KALRN: variants seen among roughly 807,000 people sequenced by gnomAD.
The protein encoded by KALRN is kalirin RhoGEF kinase.
In KALRN, 70 loss-of-function variants were observed where a neutral mutation model predicts 353.7. The ratio of observed to expected loss-of-function variants is 0.20; its 90% CI spans 0.16 to 0.24. The LOEUF (loss-of-function observed/expected upper bound fraction) is 0.24, where lower values mean the gene tolerates loss of function less well. KALRN is among the 10% of genes least tolerant of loss of function. The pLI, the probability that KALRN is intolerant of heterozygous loss-of-function variation, is 1.00. For synonymous variants in KALRN, 1,391 were observed against 1,434.8 expected (o/e 0.97, Z 0.69); for missense variants, 2,791 against 3,756.7 (o/e 0.74, Z 6.72).
intron 10 of KALRN, among the ~76,000 whole-genome samples, chr3:124,383,636 T>C (rs911172758): frequency 6.6e-6 from 1 of 152,326 alleles, no homozygotes; most frequent in Admixed American, 6.5e-5. Flanking sequence ...TATCCTACTA[T>C]AGTATGATTT....
intron 1 of KALRN, among the ~76,000 whole-genome samples, chr3:124,130,626 A>G (rs2065165863): frequency 1.3e-5 from 2 of 152,170 alleles, no homozygotes; most frequent in African/African-American, 2.4e-5. Flanking sequence ...ACACCTGGAT[A>G]TACCCAATAG....
chr3:124,632,684 A>G lies in KALRN; in HGVS notation c.5447A>G (p.Gln1816Arg). ...SPKPGDETTP[Q>R]GDSADESKKG... is the part of the protein sequence containing the mutation. ...AAGCCTGGGGATGAAACAACCCCTCAGGGAGACAGCGCTGATGAGGTACTT... is the reference window on the plus strand; with the variant it reads ...AAGCCTGGGGATGAAACAACCCCTCGGGGAGACAGCGCTGATGAGGTACTT... The change falls in exon 35 of 60, where the codon CAG (glutamine) becomes CGG (arginine). Residue 1816 changes from glutamine to arginine, a missense_variant. By Grantham distance (43) the Gln-to-Arg change is conservative (BLOSUM62 1). Transcript: ENST00000682506. 1 of 1,614,164 alleles carries G rather than the reference A, an allele frequency of 6.2e-7. No individual in the cohort carries two copies. The highest frequency in any genetic ancestry group is 8.5e-7 in the Non-Finnish European group (1 of 1,180,002).
At chr3:124,305,674 T>C (rs1016251483) in intron 6 of KALRN, among the ~76,000 whole-genome samples, 1 of 143,910 alleles carries the variant, frequency 6.9e-6, no homozygotes, top group Non-Finnish European at 1.5e-5. Flanking sequence ...CATTGGAGTC[T>C]TCTTACTGTG....
chr3:124,131,666 G>T (rs1039265954), intron 1 of KALRN, among the ~76,000 whole-genome samples: 2 of 152,170 alleles, frequency 1.3e-5, no homozygotes, highest in Non-Finnish European at 2.9e-5. Context: ...CAGGGTGTAG[G>T]AACACATGAG....
At chr3:124,580,697 G>A (rs577752903) in intron 34 of KALRN, among the ~76,000 whole-genome samples, 7 of 152,268 alleles carry the variant, frequency 4.6e-5, no homozygotes, top group African/African-American at 1.4e-4. Context: ...AATTGTTTTT[G>A]TTCACCAATG....
chr3:124,693,802 A>G lies in KALRN; in HGVS notation c.7378-2A>G. ...AATTTTCTGTGTCTTTTTGTTTTTC[A>G]GATCTTAAATCCAAATTTCATCCAA... is the stretch of plus-strand genomic sequence containing the variant. On this transcript the variant is annotated splice_acceptor_variant, in intron 51 of 59. Coordinates refer to ENST00000682506, the MANE Select transcript of KALRN (RefSeq NM_001388419.1). LOFTEE classifies it high-confidence loss of function. 3 of 1,560,838 alleles carry G rather than the reference A, an allele frequency of 1.9e-6. No homozygotes were observed. Among genetic ancestry groups the G allele is most frequent in the Non-Finnish European group, 2.6e-6 (3 of 1,138,984 alleles).
chr3:124,298,019 T>C (rs2076979705), intron 5 of KALRN, among the ~76,000 whole-genome samples: 1 of 152,252 alleles, frequency 6.6e-6, no homozygotes. Flanking sequence ...CACATTCTTA[T>C]ATCTGAGACA....
chr3:124,086,920 A>G (rs1386053145), intron 1 of KALRN, among the ~76,000 whole-genome samples: 1 of 152,192 alleles, frequency 6.6e-6, no homozygotes, highest in Non-Finnish European at 1.5e-5. Flanking sequence ...ATCCTGCTCT[A>G]TGCCTTGCGT....
At position 124,298,874 on chromosome 3, in the gene KALRN, C is replaced by G. The variant is rs1396411645; in HGVS notation, c.1053C>G (p.Asp351Glu). 1 of 1,614,188 alleles carries G rather than the reference C, an allele frequency of 6.2e-7. No individual in the cohort carries two copies. The highest frequency in any genetic ancestry group is 2.2e-5 in the East Asian group (1 of 44,886). ...GAGTCAGCTACCAGTACGCCCTTGA[C>G]CTCCAGACGCAGCACAATCACTTTG... ...EIGVSYQYAL[D>E]LQTQHNHFAM... The change falls in exon 6 of 60, where the codon GAC becomes GAG. Residue 351 changes from aspartate (D) to glutamate (E), a missense_variant. By Grantham distance (45) the Asp-to-Glu change is conservative. Coordinates refer to ENST00000682506, the MANE Select transcript of KALRN (RefSeq NM_001388419.1).
chr3:124,551,258 CCTGAGCAAA>C (rs2070492940), intron 33 of KALRN, among the ~76,000 whole-genome samples: 1 of 152,094 alleles, frequency 6.6e-6, no homozygotes, highest in African/African-American at 2.4e-5. Context: ...AGTGGGTTAA[CCTGAGCAAA>C]TGGAAAGTAT....
At chr3:124,560,701 T>A (rs528566813) in intron 33 of KALRN, among the ~76,000 whole-genome samples, 1 of 151,964 alleles carries the variant, frequency 6.6e-6, no homozygotes, top group South Asian at 2.1e-4. Flanking sequence ...AAAATAAAAA[T>A]AAAAATTAGC....
intron 1 of KALRN, among the ~76,000 whole-genome samples, chr3:124,226,777 G>T (rs996534488): frequency 2.6e-5 from 4 of 152,126 alleles, no homozygotes; most frequent in Non-Finnish European, 5.9e-5. Context: ...GAGTGGGATT[G>T]TCCTGCCCAG....
chr3:124,240,956 A>G (rs2080363561), intron 3 of KALRN, among the ~76,000 whole-genome samples: 1 of 152,186 alleles, frequency 6.6e-6, no homozygotes, highest in Non-Finnish European at 1.5e-5. Flanking sequence ...AATGATAATA[A>G]TAGCAACAAA....
rs886262634 is a variant in KALRN at position 124,346,736 on chromosome 3, G to A, written c.1648-407G>A. Among the ~76,000 whole-genome samples, 10 of 152,140 alleles carry A rather than the reference G, an allele frequency of 6.6e-5. No individual in the cohort carries two copies. In the South Asian group the frequency reaches 8.3e-4, roughly 13 times the overall value. On this transcript the variant is annotated intron_variant, in intron 9 of 59. Coordinates refer to ENST00000682506, the MANE Select transcript of KALRN (RefSeq NM_001388419.1). The stretch of plus-strand genomic sequence containing the variant: ...TTGCTGTTTGTGTTCTTATGGCAGC[G>A]TGACGGATGAGTAATGAGGGCCAAG...
intron 37 of KALRN, among the ~76,000 whole-genome samples, chr3:124,643,322 T>A (rs947927877): frequency 6.7e-6 from 1 of 150,166 alleles, no homozygotes; most frequent in African/African-American, 2.4e-5. Flanking sequence ...CTCCACAAAA[T>A]TTTTTTTTTA....
intron 1 of KALRN, among the ~76,000 whole-genome samples, chr3:124,047,304 A>T (rs2040573294): frequency 6.6e-6 from 1 of 152,148 alleles, no homozygotes; most frequent in African/African-American, 2.4e-5. Flanking sequence ...TGTCCCTGAA[A>T]AGTTTATAGT....
chr3:124,422,557 T>A (rs1047988060), intron 14 of KALRN, among the ~76,000 whole-genome samples: 4 of 152,124 alleles, frequency 2.6e-5, no homozygotes, highest in African/African-American at 9.7e-5. Context: ...TAACTGTAAT[T>A]CCTGTTGATA....
intron 14 of KALRN, among the ~76,000 whole-genome samples, 163 bp downstream of exon 14, chr3:124,413,828 A>G (rs3772745): frequency 0.42 from 63,395 of 151,996 alleles, 13,391 homozygotes; most frequent in Middle Eastern, 0.48. Flanking sequence ...AAACGAGGCC[A>G]GGTGTGGTGG....
At chr3:124,376,826 G>A (rs1225105813) in intron 10 of KALRN, among the ~76,000 whole-genome samples, 2 of 152,136 alleles carry the variant, frequency 1.3e-5, no homozygotes, top group Non-Finnish European at 2.9e-5. Context: ...TCGAGGAATA[G>A]TTGAGATAGA....
Sources: gnomAD v4.1 joint callset for allele counts (sites outside exome capture counted in the v4.1 genomes callset) on GRCh38, gnomAD v4.1.1 for gene constraint, MANE v1.5 for transcripts, NCBI Gene and HGNC (gene_info 2026-07-23, HGNC 2026-07-21) for gene names.